The following HHIPL1 variants were observed in gnomAD, a reference collection of about 807,000 sequenced individuals.
The protein encoded by HHIPL1 is HHIP-like protein 1.
A neutral mutation model predicts 61.8 loss-of-function variants in HHIPL1; 43 were observed. That is an observed-to-expected ratio of 0.70 (90% CI 0.55 to 0.90). HHIPL1 has a LOEUF of 0.90. Ranked by LOEUF, HHIPL1 falls within the 40% of genes least tolerant of loss-of-function variation. HHIPL1 has a pLI of 0.00. For missense variants in HHIPL1, 1,056 were observed against 1,157.7 expected, an observed-to-expected ratio of 0.91 and a Z score of 1.28; for synonymous variants, 482 against 515.8, an observed-to-expected ratio of 0.93 and a Z score of 0.89.
At chr14:99,659,275 G>A (rs1281153567) in intron 3 of HHIPL1, among the ~76,000 whole-genome samples, 153 bp from the exon 4 acceptor site, 1 of 152,210 alleles carries the variant, frequency 6.6e-6, no homozygotes, top group African/African-American at 2.4e-5. Context: ...AGTAGTTAAG[G>A]CGGACAGCAT....
In HHIPL1 at chr14:99,659,768, CG is replaced by C; in HGVS notation, c.1375+13del. 1 of 1,398,510 alleles carries C rather than the reference CG, an allele frequency of 7.2e-7. No individual in the cohort carries two copies. Among genetic ancestry groups the C allele is most frequent in the Non-Finnish European group, 9.3e-7 (1 of 1,080,678 alleles). The allele number at this position is 1,398,510 out of a possible 1,614,324, so 86.6% of individuals were successfully genotyped here. A position where few individuals can be genotyped will look rare whatever the true frequency, so the allele number is the denominator to read the frequency against. On this transcript the variant is annotated intron_variant, in intron 4 of 8. Coordinates refer to ENST00000330710, the MANE Select transcript of HHIPL1 (RefSeq NM_001127258.3). The stretch of plus-strand genomic sequence containing the variant: ...CAACACCTCTCTCAGTGAGTGCCCG[CG>C]CCCCGGGGACCCCGGCCCCGAATCC...
chr14:99,657,586 CAGGGTCCCTCAGGAAGACCCAGATGTTA>C (rs2056069699), intron 3 of HHIPL1, among the ~76,000 whole-genome samples: 1 of 152,172 alleles, frequency 6.6e-6, no homozygotes, highest in South Asian at 2.1e-4. Flanking sequence ...GCTCCTGTCC[CAGGGTCCCTCAGGAAGACCCAGATGTTA>C]ACGTGTAGTC....
rs1223670847 is a variant in HHIPL1, at chr14:99,680,380, A to G, written c.*4754A>G. 1.3e-5 allele frequency: 2 copies of G among 152,204 alleles called. No individual in the cohort carries two copies. Among genetic ancestry groups the G allele is most frequent in the East Asian group, 3.9e-4 (2 of 5,192 alleles). 9.4% of individuals were successfully genotyped at this position (152,204 alleles called of 1,614,324 possible). ...CACAGGTTGCTGGGTCCTGTCTCTC[A>G]GAGTTTTTGACTCAGTCTTGGTTGA... On this transcript the variant is annotated 3_prime_UTR_variant, in exon 9 of 9. Transcript: ENST00000330710.
At chr14:99,667,801 C>T (rs763772484) in intron 6 of HHIPL1, among the ~76,000 whole-genome samples, 19 of 152,236 alleles carry the variant, frequency 1.2e-4, no homozygotes, top group Non-Finnish European at 2.5e-4. Flanking sequence ...GAAGCTGAGG[C>T]TCAGAGAGCC....
At position 99,660,193 on chromosome 14, in the gene HHIPL1, C is replaced by T. The variant is rs977191290; in HGVS notation, c.1376-87C>T. On this transcript the variant is annotated intron_variant, in intron 4 of 8. Coordinates refer to ENST00000330710, the MANE Select transcript of HHIPL1 (RefSeq NM_001127258.3). This position sits in a 1 kb window ranked among gnomAD's most constrained non-coding sequence, Gnocchi z 4.9. Reference sequence around the variant, plus strand: ...CGCCCCTCCCTCCGTGGCCGCCCCACCCCCGCGGAATCCCTCCGGAATTCT... The same window carrying T: ...CGCCCCTCCCTCCGTGGCCGCCCCATCCCCGCGGAATCCCTCCGGAATTCT... 5.6e-5 allele frequency: 86 copies of T among 1,533,314 alleles called. No individual in the cohort carries two copies. The Middle Eastern group carries it at 1.3e-3, about 24-fold the overall frequency. The allele number at this position is 1,533,314 out of a possible 1,614,324, so 95.0% of individuals were successfully genotyped here. A position where few individuals can be genotyped will look rare whatever the true frequency, so the allele number is the denominator to read the frequency against.
At chr14:99,640,199 A>G (rs569953713), upstream of HHIPL1, among the ~76,000 whole-genome samples, 2 of 152,294 alleles carry the variant, frequency 1.3e-5, no homozygotes, top group South Asian at 4.1e-4. Context: ...AAGCATATCA[A>G]TTATATTTCT....
At chr14:99,628,581 CAA>C in the HHIPL1 span, among the ~76,000 whole-genome samples, 15 of 53,546 alleles carry the variant, frequency 2.8e-4, no homozygotes, top group South Asian at 6.8e-4. Flanking sequence ...AACTCCAACT[CAA>C]AAAAAAAAAA....
intron 7 of HHIPL1, among the ~76,000 whole-genome samples, chr14:99,670,453 T>C (rs987355913): frequency 1.1e-4 from 16 of 152,240 alleles, no homozygotes; most frequent in African/African-American, 3.1e-4. Context: ...TGTTCCCCAA[T>C]GCCCTTTTCC....
At chr14:99,629,507 CT>C in the HHIPL1 span, among the ~76,000 whole-genome samples, 1 of 102,928 alleles carries the variant, frequency 9.7e-6, no homozygotes, top group Admixed American at 9.0e-5. Context: ...TTTAGACTTC[CT>C]GATTTTTTTT....
At chr14:99,614,024 C>A in the HHIPL1 span, among the ~76,000 whole-genome samples, 2 of 152,128 alleles carry the variant, frequency 1.3e-5, no homozygotes, top group South Asian at 2.1e-4. Context: ...GTTGAAAAAC[C>A]CTGGATGTAA....
the HHIPL1 span, among the ~76,000 whole-genome samples, chr14:99,621,788 T>G: frequency 1.5e-5 from 2 of 131,828 alleles, no homozygotes; most frequent in Admixed American, 8.9e-5. Context: ...CGATCTTGGC[T>G]CACTGCAACC....
chr14:99,639,284 C>T, the HHIPL1 span, among the ~76,000 whole-genome samples: 3 of 152,206 alleles, frequency 2.0e-5, no homozygotes, highest in Admixed American at 2.0e-4. Context: ...AACTATCAGT[C>T]TTTACATTTA....
chr14:99,624,071 C>T, the HHIPL1 span, among the ~76,000 whole-genome samples: 1 of 152,234 alleles, frequency 6.6e-6, no homozygotes, highest in Non-Finnish European at 1.5e-5. Flanking sequence ...CCAGGCCAGA[C>T]AGGGGAGCTA....
Position 99,659,689 on chromosome 14 carries a change from C to A in HHIPL1, c.1308C>A (p.Asn436Lys). ...EEVDVVERGGNYGWRAREGFE... is the reference protein window; with the variant it reads ...EEVDVVERGGKYGWRAREGFE... ...TGGACGTGGTGGAGCGCGGCGGCAA[C>A]TATGGCTGGCGCGCGCGCGAAGGGT... The change falls in exon 4 of 9, where the codon AAC (asparagine) becomes AAA (lysine). Residue 436 changes from asparagine to lysine, a missense_variant. Physicochemically the swap from Asn to Lys is moderately conservative, Grantham distance 94. Transcript: ENST00000330710. 6.6e-7 allele frequency: 1 copy of A among 1,509,762 alleles called. No individual in the cohort carries two copies. The highest frequency in any genetic ancestry group is 8.8e-7 in the Non-Finnish European group (1 of 1,134,398). 93.5% of individuals were successfully genotyped at this position (1,509,762 alleles called of 1,614,324 possible). A position where few individuals can be genotyped will look rare whatever the true frequency, so the allele number is the denominator to read the frequency against.
intron 7 of HHIPL1, among the ~76,000 whole-genome samples, chr14:99,671,954 A>T (rs1395632682): frequency 6.6e-6 from 1 of 152,158 alleles, no homozygotes; most frequent in Non-Finnish European, 1.5e-5. Context: ...ATCAGGCTGC[A>T]TTTCAGGAAT....
At position 99,645,277 on chromosome 14, in the gene HHIPL1, C is replaced by T; in HGVS notation, c.70C>T (p.Leu24=). The change falls in exon 1 of 9, where the codon CTG becomes TTG. Residue 24 remains leucine, a synonymous_variant. Coordinates refer to ENST00000330710, the MANE Select transcript of HHIPL1 (RefSeq NM_001127258.3). The part of the protein sequence containing the change: ...VLGAAAHPQC[L]DFRPPFRPTQ... ...CGGGGCCGCCGCGCATCCGCAGTGC[C>T]TGGACTTCAGGCCGCCCTTCCGGCC... 6.9e-7 allele frequency: 1 copy of T among 1,444,390 alleles called. No homozygotes were observed. Among genetic ancestry groups the T allele is most frequent in the Non-Finnish European group, 9.1e-7 (1 of 1,103,030 alleles). 89.5% of individuals were successfully genotyped at this position (1,444,390 alleles called of 1,614,324 possible). A position where few individuals can be genotyped will look rare whatever the true frequency, so the allele number is the denominator to read the frequency against.
At position 99,660,138 on chromosome 14, in the gene HHIPL1, GC is replaced by G; in HGVS notation, c.1376-141del. ...ACACGCTTTCCACCACGCCAGCCCTGCTGTGGGCACGCCAGCCCTGCTGTGG... is the reference window on the plus strand; with the variant it reads ...ACACGCTTTCCACCACGCCAGCCCTGTGTGGGCACGCCAGCCCTGCTGTGG... On this transcript the variant is annotated intron_variant, in intron 4 of 8. Coordinates refer to ENST00000330710, the MANE Select transcript of HHIPL1 (RefSeq NM_001127258.3). This position sits in a 1 kb window ranked among gnomAD's most constrained non-coding sequence, Gnocchi z 4.9. The G allele has an allele frequency of 1.5e-6, 1 of 686,368 alleles. No homozygotes were observed. The highest frequency in any genetic ancestry group is 2.1e-6 in the Non-Finnish European group (1 of 473,704). 42.5% of individuals were successfully genotyped at this position (686,368 alleles called of 1,614,324 possible).
rs191140177 is a variant in HHIPL1 at position 99,652,604 on chromosome 14, C to T, written c.636C>T (p.Ala212=). The T allele has an allele frequency of 1.2e-4, 193 of 1,613,272 alleles. 2 individuals carry two copies. In the East Asian group the frequency reaches 2.8e-3, roughly 23 times the overall value. Residue 212 remains alanine (A), a synonymous_variant, in exon 2 of 9, where the codon GCC becomes GCT. Transcript: ENST00000330710. The stretch of plus-strand genomic sequence containing the variant: ...ATGGCACCCACCGCTTCTTCGTGGC[C>T]GAGCAGGTGGGGCTGGTGTGGGCCT... ...ARDGTHRFFV[A]EQVGLVWAYL... is the part of the protein sequence containing the mutation.
chr14:99,639,869 C>T, the HHIPL1 span, among the ~76,000 whole-genome samples: 8 of 152,122 alleles, frequency 5.3e-5, no homozygotes, highest in South Asian at 1.7e-3. Flanking sequence ...ACCATATTGG[C>T]CAGGCTGGTC....
Sources: allele counts gnomAD v4.1 joint callset (sites outside exome capture counted in the v4.1 genomes callset), GRCh38; gene constraint gnomAD v4.1.1; non-coding constraint Gnocchi (gnomAD v3.1); transcripts MANE v1.5; gene names NCBI Gene and HGNC (gene_info 2026-07-23, HGNC 2026-07-21).